The following LEKR1 variants were observed in gnomAD, a reference collection of about 807,000 sequenced individuals.
The protein encoded by LEKR1 is protein LEKR1.
A neutral mutation model predicts 72.4 loss-of-function variants in LEKR1; 59 were observed. The observed-to-expected ratio is 0.82, with a 90% CI of 0.66 to 1.01. LEKR1 has a LOEUF of 1.01. LEKR1 is among the 50% of genes least tolerant of loss of function. LEKR1 has a pLI of 0.00. For missense variants in LEKR1, 728 were observed against 759.2 expected (o/e 0.96, Z 0.48); for synonymous variants, 257 against 263.2 (o/e 0.98, Z 0.23).
chr3:156,950,853 T>C (rs564049561), intron 6 of LEKR1, among the ~76,000 whole-genome samples: 1 of 151,784 alleles, frequency 6.6e-6, no homozygotes, highest in Non-Finnish European at 1.5e-5. Context: ...TGAATGCCTT[T>C]TATTTCTTTC....
At chr3:156,839,554 A>G (rs1189312969) in intron 2 of LEKR1, among the ~76,000 whole-genome samples, 5 of 152,260 alleles carry the variant, frequency 3.3e-5, no homozygotes, top group African/African-American at 1.2e-4. Context: ...AAAAAAGGTC[A>G]GAGGGTGAAG....
intron 10 of LEKR1, among the ~76,000 whole-genome samples, chr3:157,014,003 A>G (rs1002836693): frequency 6.6e-6 from 1 of 152,058 alleles, no homozygotes; most frequent in African/African-American, 2.4e-5. Flanking sequence ...TTTTAAAATA[A>G]CTACGTATTT....
chr3:156,950,191 T>A (rs1208135836), intron 6 of LEKR1, among the ~76,000 whole-genome samples: 1 of 151,362 alleles, frequency 6.6e-6, no homozygotes, highest in African/African-American at 2.4e-5. Flanking sequence ...CTTCTTTATT[T>A]GTAGTTACTG....
intron 3 of LEKR1, among the ~76,000 whole-genome samples, chr3:156,879,631 G>A (rs1719043830): frequency 6.6e-6 from 1 of 152,184 alleles, no homozygotes; most frequent in Admixed American, 6.5e-5. Context: ...ATGTTTTCAG[G>A]GGATGCCAGA....
intron 2 of LEKR1, among the ~76,000 whole-genome samples, chr3:156,846,439 A>G (rs1714610768): frequency 6.6e-6 from 1 of 151,030 alleles, no homozygotes; most frequent in Admixed American, 6.6e-5. Context: ...TAATTATAAT[A>G]AAGCTGTAGG....
At chr3:156,879,391 G>C (rs886240105) in intron 3 of LEKR1, among the ~76,000 whole-genome samples, 2 of 152,188 alleles carry the variant, frequency 1.3e-5, no homozygotes, top group African/African-American at 4.8e-5. Flanking sequence ...ATATGATTTA[G>C]AGTATCTGGT....
At chr3:156,956,000 C>G (rs1727597744) in intron 6 of LEKR1, among the ~76,000 whole-genome samples, 1 of 149,770 alleles carries the variant, frequency 6.7e-6, no homozygotes, top group African/African-American at 2.4e-5. Flanking sequence ...TCAAAAAGAA[C>G]AGCATTTGTG....
intron 6 of LEKR1, among the ~76,000 whole-genome samples, chr3:156,969,768 T>G (rs1262931614): frequency 6.6e-6 from 1 of 152,146 alleles, no homozygotes. Context: ...CCTAACTCAT[T>G]TTATGAGGCC....
intron 9 of LEKR1, among the ~76,000 whole-genome samples, chr3:157,003,859 C>A (rs986086783): frequency 2.7e-5 from 4 of 150,532 alleles, no homozygotes; most frequent in South Asian, 2.1e-4. Context: ...AATAAGCCAA[C>A]AAAAGAGATA....
chr3:156,877,066 C>T (rs1718683191), intron 3 of LEKR1, among the ~76,000 whole-genome samples: 1 of 152,024 alleles, frequency 6.6e-6, no homozygotes, highest in Non-Finnish European at 1.5e-5. Context: ...GTTTTCTGCA[C>T]CTATTGAGAT....
chr3:156,891,062 G>A (rs977053635), intron 3 of LEKR1, among the ~76,000 whole-genome samples: 8 of 150,856 alleles, frequency 5.3e-5, no homozygotes, highest in African/African-American at 2.0e-4. Context: ...GTAGAGATGG[G>A]GTTTTGCCAT....
intron 4 of LEKR1, among the ~76,000 whole-genome samples, chr3:156,923,782 C>T (rs886222276): frequency 5.9e-5 from 9 of 151,352 alleles, no homozygotes; most frequent in Admixed American, 2.0e-4. Flanking sequence ...GGCTTGAGTG[C>T]AGTGGCATGA....
At position 156,942,720 on chromosome 3, in the gene LEKR1, G is replaced by C. The variant is rs1337161430; in HGVS notation, c.745+6G>C. ...TTTGCAAAAAGAAGTACTAGGTAAA[G>C]AAAAGTCTTTTGCTGTTTTTGGTGA... On this transcript the variant is annotated splice_donor_region_variant and intron_variant, in intron 6 of 12. Coordinates refer to ENST00000356539, the MANE Select transcript of LEKR1 (RefSeq NM_001004316.3). 3 of 1,231,914 alleles carry C rather than the reference G, an allele frequency of 2.4e-6. No homozygotes were observed. The highest frequency in any genetic ancestry group is 3.1e-6 in the Non-Finnish European group (3 of 966,146). The allele number at this position is 1,231,914 out of a possible 1,614,324, so 76.3% of individuals were successfully genotyped here. A position where few individuals can be genotyped will look rare whatever the true frequency, so the allele number is the denominator to read the frequency against.
At chr3:156,995,565 CTCACACCTGTAAGCCCA>C (rs1356647219) in intron 9 of LEKR1, among the ~76,000 whole-genome samples, 1 of 152,180 alleles carries the variant, frequency 6.6e-6, no homozygotes, top group African/African-American at 2.4e-5. Context: ...GACACGGTGG[CTCACACCTGTAAGCCCA>C]GCATTTTGGG....
chr3:156,896,081 A>T (rs939637113), intron 3 of LEKR1, among the ~76,000 whole-genome samples: 1 of 152,184 alleles, frequency 6.6e-6, no homozygotes, highest in Admixed American at 6.5e-5. Flanking sequence ...AGCTGAAGTC[A>T]TTATCCTCAG....
At chr3:157,000,133 T>G (rs1005186280) in intron 9 of LEKR1, among the ~76,000 whole-genome samples, 7 of 152,170 alleles carry the variant, frequency 4.6e-5, no homozygotes, top group Admixed American at 3.3e-4. Flanking sequence ...AATTTCTTGT[T>G]CACCCCCAAC....
intron 6 of LEKR1, among the ~76,000 whole-genome samples, chr3:156,958,194 C>T (rs1436064323): frequency 2.0e-5 from 3 of 152,068 alleles, no homozygotes; most frequent in Admixed American, 6.6e-5. Context: ...AACAATCTTA[C>T]TCATTCTCAT....
At chr3:156,884,018 A>G (rs1313935035) in intron 3 of LEKR1, among the ~76,000 whole-genome samples, 1 of 152,200 alleles carries the variant, frequency 6.6e-6, no homozygotes, top group African/African-American at 2.4e-5. Context: ...ATTTTTTACC[A>G]TTACATAATG....
chr3:156,982,869 A>AGATG (rs1474078996), intron 7 of LEKR1, among the ~76,000 whole-genome samples: 1 of 148,580 alleles, frequency 6.7e-6, no homozygotes, highest in Non-Finnish European at 1.5e-5. Flanking sequence ...ATAGATAGAT[A>AGATG]GATAGATAGA....
Sources: gnomAD v4.1 joint callset for allele counts (sites outside exome capture counted in the v4.1 genomes callset) on GRCh38, gnomAD v4.1.1 for gene constraint, MANE v1.5 for transcripts, NCBI Gene and HGNC (gene_info 2026-07-23, HGNC 2026-07-21) for gene names.